The following ERG variants were observed in gnomAD, a reference collection of about 807,000 sequenced individuals.
ERG encodes the protein ETS transcription factor ERG.
In ERG, 9 loss-of-function variants were observed where a neutral mutation model predicts 55.3. The observed-to-expected ratio is 0.16, with a 90% CI of 0.10 to 0.28. The LOEUF is 0.28. Ranked by LOEUF, ERG falls within the 10% of genes least tolerant of loss-of-function variation. The pLI, the probability that ERG is intolerant of heterozygous loss-of-function variation, is 1.00. For missense variants in ERG, 434 were observed against 631.6 expected (o/e 0.69, Z 3.35); for synonymous variants, 223 against 237.3 (o/e 0.94, Z 0.55).
chr21:38,584,725 G>A (rs1012075239), intron 1 of ERG: 1 of 152,236 alleles, frequency 6.6e-6, no homozygotes, highest in African/African-American at 2.4e-5. Flanking sequence ...GAAATGGTCT[G>A]TGGAGGTTTG....
intron 9 of ERG, among the ~76,000 whole-genome samples, chr21:38,385,572 A>T (rs537071162): frequency 6.6e-6 from 1 of 152,354 alleles, no homozygotes; most frequent in East Asian, 1.9e-4. Flanking sequence ...ATACAATAGC[A>T]CTGTGAGAAA....
chr21:38,465,458 T>C (rs566715689), intron 1 of ERG, among the ~76,000 whole-genome samples: 14 of 152,312 alleles, frequency 9.2e-5, no homozygotes, highest in Non-Finnish European at 1.6e-4. Flanking sequence ...AACTATTCCG[T>C]ATAATCCTAT....
intron 2 of ERG, among the ~76,000 whole-genome samples, chr21:38,542,931 T>C (rs968075526): frequency 5.3e-5 from 8 of 152,228 alleles, no homozygotes; most frequent in African/African-American, 1.9e-4. Context: ...ATAGATTCTT[T>C]AGACGACAGC....
intron 2 of ERG, among the ~76,000 whole-genome samples, chr21:38,503,557 A>G (rs1370481474): frequency 6.6e-6 from 1 of 152,110 alleles, no homozygotes; most frequent in Non-Finnish European, 1.5e-5. Flanking sequence ...CGGGAAGCCT[A>G]TCTCAGTCTC....
At chr21:38,432,394 C>A (rs1232612503) in intron 2 of ERG, among the ~76,000 whole-genome samples, 1 of 152,170 alleles carries the variant, frequency 6.6e-6, no homozygotes, top group Non-Finnish European at 1.5e-5. Flanking sequence ...GCACTGAAAC[C>A]CCTAATTTCT....
In ERG at chr21:38,381,168, G is replaced by T. The variant is rs1358052286; in HGVS notation, c.*2235C>A. ...ACTGCCAAAACATCCACAGCACAGA[G>T]GTTTGGCAACTTCACATAATCATAG... On this transcript the variant is annotated 3_prime_UTR_variant, in exon 10 of 10. Transcript: ENST00000288319. 1 of 1,065,152 alleles carries T rather than the reference G, an allele frequency of 9.4e-7. No homozygotes were observed. Among genetic ancestry groups the T allele is most frequent in the African/African-American group, 1.6e-5 (1 of 61,086 alleles). 66.0% of individuals were successfully genotyped at this position (1,065,152 alleles called of 1,614,324 possible). A position where few individuals can be genotyped will look rare whatever the true frequency, so the allele number is the denominator to read the frequency against.
chr21:38,559,568 C>T (rs944717387), intron 2 of ERG, among the ~76,000 whole-genome samples: 3 of 151,964 alleles, frequency 2.0e-5, no homozygotes, highest in Non-Finnish European at 4.4e-5. Context: ...TAACGTCAAC[C>T]TTAAATAACA....
intron 2 of ERG, among the ~76,000 whole-genome samples, chr21:38,443,248 C>T (rs2058858470): frequency 6.6e-6 from 1 of 152,252 alleles, no homozygotes; most frequent in Non-Finnish European, 1.5e-5. Flanking sequence ...GCCAGACTCT[C>T]AAACAAGGGC....
At chr21:38,455,970 A>G (rs1339371393) in intron 1 of ERG, among the ~76,000 whole-genome samples, 4 of 151,792 alleles carry the variant, frequency 2.6e-5, no homozygotes, top group African/African-American at 9.7e-5. Flanking sequence ...CCACAGGGCC[A>G]CTGGCCATGG....
At chr21:38,404,291 G>A (rs996056793) in intron 3 of ERG, among the ~76,000 whole-genome samples, 1 of 152,174 alleles carries the variant, frequency 6.6e-6, no homozygotes, top group Non-Finnish European at 1.5e-5. Flanking sequence ...ATAGAGAGCT[G>A]TCAGTTCCAG....
chr21:38,641,335 C>A (rs1436683275), intron 1 of ERG, among the ~76,000 whole-genome samples: 2 of 152,182 alleles, frequency 1.3e-5, no homozygotes, highest in Non-Finnish European at 2.9e-5. Flanking sequence ...ATCTATGAAC[C>A]AGAAAATGGG....
At chr21:38,367,604 C>T in the ERG span, 2 of 523,112 alleles carry the variant, frequency 3.8e-6, no homozygotes, top group South Asian at 1.6e-5. Context: ...CACACTGTCA[C>T]ATCTGCTATA....
chr21:38,609,242 T>G (rs879473640), intron 1 of ERG, among the ~76,000 whole-genome samples: 4 of 152,076 alleles, frequency 2.6e-5, no homozygotes, highest in Non-Finnish European at 5.9e-5. Flanking sequence ...TATACAAAGA[T>G]CTGAAAACAC....
At chr21:38,637,932 C>A (rs534670797) in intron 1 of ERG, among the ~76,000 whole-genome samples, 2 of 152,224 alleles carry the variant, frequency 1.3e-5, no homozygotes, top group East Asian at 3.9e-4. Flanking sequence ...AGTAAGAAAT[C>A]CAGGACTACA....
At chr21:38,501,129 G>T (rs907279056), upstream of ERG, among the ~76,000 whole-genome samples, 19 of 143,986 alleles carry the variant, frequency 1.3e-4, no homozygotes, top group Non-Finnish European at 1.5e-4. Context: ...GCAGTGGCGC[G>T]ATCTCGGCTC....
At chr21:38,371,370 C>A in the ERG span, among the ~76,000 whole-genome samples, 10 of 152,012 alleles carry the variant, frequency 6.6e-5, no homozygotes, top group East Asian at 1.9e-3. Flanking sequence ...CAATACTTAC[C>A]ATTTTTATTT....
intron 3 of ERG, among the ~76,000 whole-genome samples, chr21:38,404,564 A>G (rs1329566725): frequency 1.3e-5 from 2 of 152,136 alleles, no homozygotes; most frequent in Non-Finnish European, 2.9e-5. Context: ...GAGTGTGGTA[A>G]ATGGGGCGGC....
rs560150172 is a variant in ERG at position 38,410,251 on chromosome 21, A to C, written c.389-6542T>G. On this transcript the variant is annotated intron_variant, in intron 3 of 9. Coordinates refer to ENST00000288319, the MANE Select transcript of ERG (RefSeq NM_182918.4). ...TCCAATTTATAATTTTATTTTAAGA[A>C]ACTTTTGGAGATGCTTCTGTCAGAT... 2.9e-3 allele frequency among the ~76,000 whole-genome samples: 438 copies of C among 152,376 alleles called. 4 individuals are homozygous for C. The highest frequency in any genetic ancestry group is 3.0e-3 in the Non-Finnish European group (201 of 68,038).
chr21:38,403,478 T>A (rs1055952714), intron 4 of ERG, 28 bp downstream of exon 4: 1 of 1,608,336 alleles, frequency 6.2e-7, no homozygotes, highest in Non-Finnish European at 8.5e-7. Context: ...GCCACAGCCA[T>A]CTATCCTTGG....
Sources: allele counts gnomAD v4.1 joint callset (sites outside exome capture counted in the v4.1 genomes callset), GRCh38; gene constraint gnomAD v4.1.1; transcripts MANE v1.5; gene names NCBI Gene and HGNC (gene_info 2026-07-23, HGNC 2026-07-21).